The following ASB7 variants were observed in gnomAD, a reference collection of about 807,000 sequenced individuals.
The protein encoded by ASB7 is ankyrin repeat and SOCS box protein 7.
Under a neutral mutation model 32.5 loss-of-function variants are expected in ASB7, and 4 were observed. The ratio of observed to expected loss-of-function variants is 0.12; its 90% CI spans 0.06 to 0.28. The LOEUF (loss-of-function observed/expected upper bound fraction) is 0.28. Ranked by LOEUF, ASB7 falls within the 10% of genes least tolerant of loss-of-function variation. The probability of loss-of-function intolerance (pLI) is 1.00; values close to 1 mark genes in which losing one functional copy is unlikely to be tolerated. For missense variants in ASB7, 181 were observed against 407.1 expected (o/e 0.44, Z 4.78); for synonymous variants, 172 against 155.6 (o/e 1.11, Z -0.78).
chr15:100,611,484 C>CTTTTTTTTTT (rs61153969), intron 3 of ASB7, among the ~76,000 whole-genome samples: 7,536 of 76,816 alleles, frequency 0.098, 1,861 homozygotes, highest in South Asian at 0.23. Flanking sequence ...TGTTTCGATT[C>CTTTTTTTTTT]TTTTTTTTTT....
chr15:100,608,949 C>T (rs753652519), intron 2 of ASB7, among the ~76,000 whole-genome samples: 3 of 152,158 alleles, frequency 2.0e-5, no homozygotes, highest in African/African-American at 4.8e-5. Flanking sequence ...GCTCACCCAC[C>T]GTCAGGGGAT....
chr15:100,649,074 CTT>C lies in ASB7; in HGVS notation c.*613_*614del, dbSNP rs1455999032. On this transcript the variant is annotated 3_prime_UTR_variant, in exon 6 of 6. Transcript: ENST00000332783. Reference sequence around the variant, plus strand: ...ACCTCTGCTTTTCTTTTGCTGTGCTCTTGTTTTTAACTTATTTTTTTTTTAAC... The same window carrying C: ...ACCTCTGCTTTTCTTTTGCTGTGCTCGTTTTTAACTTATTTTTTTTTTAAC... The C allele has an allele frequency of 6.6e-6, 1 of 152,398 alleles. No homozygotes were observed. The highest frequency in any genetic ancestry group is 2.4e-5 in the African/African-American group (1 of 41,366). 9.4% of individuals were successfully genotyped at this position (152,398 alleles called of 1,614,324 possible).
chr15:100,618,303 C>A (rs912651240), intron 4 of ASB7, among the ~76,000 whole-genome samples: 3 of 151,538 alleles, frequency 2.0e-5, no homozygotes, highest in African/African-American at 7.3e-5. Flanking sequence ...TTAGTAGAGA[C>A]GGGGTTTCAC....
chr15:100,631,101 A>G (rs73483059), intron 5 of ASB7, among the ~76,000 whole-genome samples: 3,222 of 152,302 alleles, frequency 0.021, 130 homozygotes, highest in African/African-American at 0.074. Flanking sequence ...GATTCATGGA[A>G]GAAAAGATGC....
intron 2 of ASB7, among the ~76,000 whole-genome samples, chr15:100,607,575 A>G (rs1252433857): frequency 6.6e-6 from 1 of 152,170 alleles, no homozygotes; most frequent in Non-Finnish European, 1.5e-5. Flanking sequence ...TGCAGGGAGT[A>G]CTTTTTTGGT....
At chr15:100,630,152 C>A in intron 5 of ASB7, 110 bp downstream of exon 5, 1 of 1,390,878 alleles carries the variant, frequency 7.2e-7, no homozygotes, top group Non-Finnish European at 9.3e-7. Flanking sequence ...ATTCCTATAA[C>A]CACTGCTTGG....
rs139744469 is a variant in ASB7, at chr15:100,606,535, G to A, written c.-173-3172G>A. Among the ~76,000 whole-genome samples the A allele has an allele frequency of 2.6e-3, 403 of 152,218 alleles. 2 individuals carry two copies. The highest frequency in any genetic ancestry group is 3.7e-3 in the Non-Finnish European group (250 of 68,008). ...GTTTTATGTTTATTTTATTCTTCAC[G>A]CTGTTCTATCATATAGACTTAACTA... is the stretch of plus-strand genomic sequence containing the variant. On this transcript the variant is annotated intron_variant, in intron 2 of 5. Transcript: ENST00000332783.
At chr15:100,640,259 C>G (rs557403387) in intron 5 of ASB7, among the ~76,000 whole-genome samples, 18 of 152,244 alleles carry the variant, frequency 1.2e-4, no homozygotes, top group Admixed American at 4.6e-4. Context: ...ATTCTCCTGC[C>G]TCAGCCTCCT....
At chr15:100,615,768 C>G (rs2039738144) in intron 4 of ASB7, among the ~76,000 whole-genome samples, 2 of 152,124 alleles carry the variant, frequency 1.3e-5, no homozygotes, top group Non-Finnish European at 1.5e-5. Context: ...TTAAAATGTT[C>G]TGTTCCTCCT....
At chr15:100,609,203 G>T (rs2039673191) in intron 2 of ASB7, among the ~76,000 whole-genome samples, 1 of 152,202 alleles carries the variant, frequency 6.6e-6, no homozygotes, top group Non-Finnish European at 1.5e-5. Context: ...TTGACTTGAT[G>T]CCTTTAGGGC....
chr15:100,641,248 T>C lies in ASB7; in HGVS notation c.818-7075T>C, dbSNP rs116119094. On this transcript the variant is annotated intron_variant, in intron 5 of 5. Coordinates refer to ENST00000332783, the MANE Select transcript of ASB7 (RefSeq NM_198243.3). ...CTTTAATCTCTGGGATAGTGTATTG[T>C]TGAATACATACAGCATTAATAGATG... Among the ~76,000 whole-genome samples the C allele has an allele frequency of 5.9e-3, 894 of 152,320 alleles. 7 individuals carry two copies. The highest frequency in any genetic ancestry group is 0.02 in the African/African-American group (851 of 41,546).
At position 100,629,639 on chromosome 15, in the gene ASB7, G is replaced by A. The variant is rs761028999; in HGVS notation, c.414G>A (p.Glu138=). ...GRDSFVRLLL[E]FKAEVDPLSD... is the part of the protein sequence containing the mutation. ...ACTCATTTGTCCGGCTCCTCCTGGA[G>A]TTCAAGGCTGAGGTTGACCCACTCA... The change falls in exon 5 of 6, where the codon GAG becomes GAA. Residue 138 remains glutamate (E), a synonymous_variant. Transcript: ENST00000332783. The surrounding 1 kb of genome is among the most constrained non-coding windows in gnomAD (Gnocchi z 6.8). 6.2e-7 allele frequency: 1 copy of A among 1,614,050 alleles called. No individual in the cohort carries two copies. Among genetic ancestry groups the A allele is most frequent in the Non-Finnish European group, 8.5e-7 (1 of 1,180,046 alleles).
Position 100,603,053 on chromosome 15 carries a change from T to A in ASB7, c.-273+7T>A, listed in dbSNP as rs2039571968. ...GCAGCAGCTGAGGAGACAGGTAAAG[T>A]CCTTTACTTCCCCCGAGGGGAAGAG... On this transcript the variant is annotated splice_region_variant and intron_variant, in intron 1 of 5. Transcript: ENST00000332783. 2.5e-6 allele frequency: 1 copy of A among 399,050 alleles called. No homozygotes were observed. Among genetic ancestry groups the A allele is most frequent in the Non-Finnish European group, 4.4e-6 (1 of 226,572 alleles). 24.7% of individuals were successfully genotyped at this position (399,050 alleles called of 1,614,324 possible).
At chr15:100,628,264 A>AT (rs1344019932) in intron 4 of ASB7, among the ~76,000 whole-genome samples, 1 of 152,160 alleles carries the variant, frequency 6.6e-6, no homozygotes, top group Non-Finnish European at 1.5e-5. Flanking sequence ...CAGTATTGTT[A>AT]TTTTACATAT....
intron 5 of ASB7, among the ~76,000 whole-genome samples, chr15:100,636,835 C>A (rs1279015528): frequency 6.6e-6 from 1 of 152,160 alleles, no homozygotes; most frequent in Non-Finnish European, 1.5e-5. Flanking sequence ...TTTTAGGTGC[C>A]TATGAAATCA....
intron 4 of ASB7, among the ~76,000 whole-genome samples, chr15:100,627,962 T>A (rs977094064): frequency 6.6e-6 from 1 of 152,290 alleles, no homozygotes; most frequent in African/African-American, 2.4e-5. Context: ...GTGGAAACAT[T>A]AGTGTCATGC....
At chr15:100,645,672 G>T in intron 5 of ASB7, 1 of 1,427,414 alleles carries the variant, frequency 7.0e-7, no homozygotes, top group Non-Finnish European at 9.9e-7. Context: ...GTTAGGGACG[G>T]CAACACGAAA....
At chr15:100,642,603 C>T (rs1404374407) in intron 5 of ASB7, among the ~76,000 whole-genome samples, 1 of 128,584 alleles carries the variant, frequency 7.8e-6, no homozygotes, top group African/African-American at 2.5e-5. Context: ...GCCCCACTTT[C>T]AGGTCCCAGA....
intron 4 of ASB7, among the ~76,000 whole-genome samples, chr15:100,617,722 T>C (rs545187707): frequency 9.5e-4 from 145 of 152,376 alleles, no homozygotes; most frequent in African/African-American, 3.3e-3. Flanking sequence ...ATAAGCGTAA[T>C]GAATTGTTTT....
Sources: allele counts gnomAD v4.1 joint callset (sites outside exome capture counted in the v4.1 genomes callset), GRCh38; gene constraint gnomAD v4.1.1; non-coding constraint Gnocchi (gnomAD v3.1); transcripts MANE v1.5; gene names NCBI Gene and HGNC (gene_info 2026-07-23, HGNC 2026-07-21).